ZBTB24: variants seen among roughly 807,000 people sequenced by gnomAD.
ZBTB24 encodes the protein zinc finger and BTB domain-containing protein 24.
In ZBTB24, 32 loss-of-function variants were observed where a neutral mutation model predicts 53.8. The ratio of observed to expected loss-of-function variants is 0.60; its 90% CI spans 0.45 to 0.80. The LOEUF is 0.80. ZBTB24 is among the 30% of genes least tolerant of loss of function. The pLI is 0.00. For missense variants in ZBTB24, 722 were observed against 837.1 expected, an observed-to-expected ratio of 0.86 and a Z score of 1.70; for synonymous variants, 297 against 306.7, an observed-to-expected ratio of 0.97 and a Z score of 0.33.
intron 2 of ZBTB24, chr6:109,480,821 G>GT: frequency 1.8e-6 from 1 of 570,280 alleles, no homozygotes; most frequent in Non-Finnish European, 2.2e-6. Flanking sequence ...CTAGAACTTG[G>GT]TTGCTTCATC....
rs767224809 is a variant in ZBTB24 at position 109,475,469 on chromosome 6, C to T, written c.1218G>A (p.Pro406=). 5.6e-6 allele frequency: 9 copies of T among 1,614,018 alleles called. No homozygotes were observed. The highest frequency in any genetic ancestry group is 5.3e-5 in the African/African-American group (4 of 74,898). ...ATTTGCGATGGCAGTCTTTGCATTC[C>T]GGTAATGAGTGGCCTTGTCGCAACA... ...HYRVHTGHSL[P]ECKDCHRKFM... The change falls in exon 5 of 7, where the codon CCG becomes CCA. Residue 406 remains proline, a synonymous_variant. Coordinates refer to ENST00000230122, the MANE Select transcript of ZBTB24 (RefSeq NM_014797.3).
chr6:109,467,771 CA>C (rs746831459), intron 5 of ZBTB24, 37 bp from the exon 6 acceptor site: 3 of 1,603,536 alleles, frequency 1.9e-6, no homozygotes, highest in Non-Finnish European at 1.7e-6. Flanking sequence ...AAACCCAAAA[CA>C]AAAAAACATT....
At chr6:109,470,300 A>G (rs542561491) in intron 5 of ZBTB24, among the ~76,000 whole-genome samples, 26 of 152,052 alleles carry the variant, frequency 1.7e-4, no homozygotes, top group African/African-American at 6.1e-4. Context: ...CCCTCTTCTC[A>G]GCAGTTACTA....
chr6:109,463,286 C>T lies in ZBTB24; in HGVS notation c.*2565G>A, dbSNP rs1326114524. On this transcript the variant is annotated 3_prime_UTR_variant, in exon 7 of 7. Coordinates refer to ENST00000230122, the MANE Select transcript of ZBTB24 (RefSeq NM_014797.3). ...AGGCATGAGCCTCCACGCCCGGCGT[C>T]ATTGAACTTTTTTATTCAAAGGGGT... is the stretch of plus-strand genomic sequence containing the variant. 4 of 152,178 alleles carry T rather than the reference C, an allele frequency of 2.6e-5. No homozygotes were observed. The highest frequency in any genetic ancestry group is 9.7e-5 in the African/African-American group (4 of 41,438). 9.4% of individuals were successfully genotyped at this position (152,178 alleles called of 1,614,324 possible).
At position 109,481,882 on chromosome 6, in the gene ZBTB24, G is replaced by A. The variant is rs1231500706; in HGVS notation, c.145C>T (p.Arg49Trp). 1.9e-6 allele frequency: 3 copies of A among 1,614,106 alleles called. No individual in the cohort carries two copies. The highest frequency in any genetic ancestry group is 1.7e-6 in the Non-Finnish European group (2 of 1,180,024). Reference protein sequence around the residue: ...ITLIVENVHFRAHKALLAASS... With the variant: ...ITLIVENVHFWAHKALLAASS... ...GCAGCAAGTAAGGCTTTGTGGGCCC[G>A]GAAATGTACATTCTCCACGATTAAA... The change falls in exon 2 of 7, where the codon CGG (arginine) becomes TGG (tryptophan). Residue 49 changes from arginine (R) to tryptophan (W), a missense_variant. By Grantham distance (101) the Arg-to-Trp change is moderately radical. Transcript: ENST00000230122.
chr6:109,475,276 C>T, intron 5 of ZBTB24, 123 bp downstream of exon 5: 2 of 1,167,124 alleles, frequency 1.7e-6, no homozygotes, highest in African/African-American at 1.5e-5. Context: ...TCTTACACAA[C>T]TCCCATCCAA....
intron 5 of ZBTB24, among the ~76,000 whole-genome samples, chr6:109,468,406 T>C (rs1776096655): frequency 6.6e-6 from 1 of 152,012 alleles, no homozygotes. Flanking sequence ...ATCATAGATC[T>C]GTACCCCATA....
intron 5 of ZBTB24, among the ~76,000 whole-genome samples, chr6:109,470,054 G>A (rs891488007): frequency 6.6e-6 from 1 of 152,174 alleles, no homozygotes; most frequent in African/African-American, 2.4e-5. Context: ...CTAGAGGCAG[G>A]AGGACCTCTA....
intron 2 of ZBTB24, among the ~76,000 whole-genome samples, chr6:109,480,049 G>A (rs1776368254): frequency 6.6e-6 from 1 of 151,816 alleles, no homozygotes; most frequent in African/African-American, 2.4e-5. Context: ...AAGTCTTTAG[G>A]GAGCTTTTAA....
In ZBTB24 at chr6:109,465,594, C is replaced by A; in HGVS notation, c.*257G>T. 2 of 1,490,022 alleles carry A rather than the reference C, an allele frequency of 1.3e-6. No homozygotes were observed. The highest frequency in any genetic ancestry group is 1.8e-6 in the Non-Finnish European group (2 of 1,108,690). 92.3% of individuals were successfully genotyped at this position (1,490,022 alleles called of 1,614,324 possible). A position where few individuals can be genotyped will look rare whatever the true frequency, so the allele number is the denominator to read the frequency against. ...GCCCCCAAAGAAAAACTACCCGAGTCTTTATGAGACATTGCAGATTAAAAT... is the reference window on the plus strand; with the variant it reads ...GCCCCCAAAGAAAAACTACCCGAGTATTTATGAGACATTGCAGATTAAAAT... On this transcript the variant is annotated 3_prime_UTR_variant, in exon 7 of 7. Coordinates refer to ENST00000230122, the MANE Select transcript of ZBTB24 (RefSeq NM_014797.3).
intron 5 of ZBTB24, among the ~76,000 whole-genome samples, chr6:109,474,221 T>C (rs1365114901): frequency 1.3e-5 from 2 of 152,078 alleles, no homozygotes; most frequent in Non-Finnish European, 2.9e-5. Flanking sequence ...ATTTTTAACA[T>C]ACATTCTTTG....
intron 6 of ZBTB24, among the ~76,000 whole-genome samples, chr6:109,466,779 C>A (rs1776053550): frequency 6.6e-6 from 1 of 151,856 alleles, no homozygotes. Flanking sequence ...TGGGTGGTGC[C>A]TGAGGAAGGG....
intron 6 of ZBTB24, among the ~76,000 whole-genome samples, chr6:109,467,124 G>A (rs915984222): frequency 6.6e-5 from 10 of 152,140 alleles, no homozygotes; most frequent in African/African-American, 1.2e-4. Context: ...GGACCAATCC[G>A]TAGCCCCAAT....
Position 109,474,612 on chromosome 6 carries a change from T to C in ZBTB24, c.1288+787A>G, listed in dbSNP as rs943243252. 2.0e-5 allele frequency among the ~76,000 whole-genome samples: 3 copies of C among 151,822 alleles called. No homozygotes were observed. The East Asian group carries it at 5.8e-4, about 29-fold the overall frequency. ...AGCTGGGCATGGTAGCGCACACCTATAGTCCCAGCTACTAGGGAGGCTGAG... is the reference window on the plus strand; with the variant it reads ...AGCTGGGCATGGTAGCGCACACCTACAGTCCCAGCTACTAGGGAGGCTGAG... On this transcript the variant is annotated intron_variant, in intron 5 of 6. Coordinates refer to ENST00000230122, the MANE Select transcript of ZBTB24 (RefSeq NM_014797.3).
chr6:109,473,429 G>T (rs1776210389), intron 5 of ZBTB24, among the ~76,000 whole-genome samples: 1 of 152,096 alleles, frequency 6.6e-6, no homozygotes, highest in Non-Finnish European at 1.5e-5. Flanking sequence ...ATCTTCAATG[G>T]CCGGCTGGCT....
At chr6:109,477,983 T>C (rs1776315713) in intron 2 of ZBTB24, among the ~76,000 whole-genome samples, 1 of 152,228 alleles carries the variant, frequency 6.6e-6, no homozygotes, top group Non-Finnish European at 1.5e-5. Context: ...GTGGTTAAGT[T>C]AAACATTAAA....
chr6:109,483,203 GC>G lies in ZBTB24; in HGVS notation c.-135del, dbSNP rs1313896995. On this transcript the variant is annotated 5_prime_UTR_variant, in exon 1 of 7. Transcript: ENST00000230122. ...CACCGGTTTCTGCTCCTGCGCCGCC[GC>G]CGCAGCCACAGCCACAGCCAACCCG... 1 of 152,114 alleles carries G rather than the reference GC, an allele frequency of 6.6e-6. No individual in the cohort carries two copies. Among genetic ancestry groups the G allele is most frequent in the Admixed American group, 6.6e-5 (1 of 15,242 alleles). 9.4% of individuals were successfully genotyped at this position (152,114 alleles called of 1,614,324 possible).
Position 109,481,331 on chromosome 6 carries a change from T to C in ZBTB24, c.696A>G (p.Pro232=). The change falls in exon 2 of 7, where the codon CCA becomes CCG. Residue 232 remains proline, a synonymous_variant. Transcript: ENST00000230122. ...GATCATAGTTCTCATCTTTTTCAAC[T>C]GGCATTTCCTCCTCTCTACTTGGCT... ...TCEPSREEEM[P]VEKDENYDPK... is the part of the protein sequence containing the mutation. 2.5e-6 allele frequency: 4 copies of C among 1,614,228 alleles called. No homozygotes were observed. The highest frequency in any genetic ancestry group is 3.4e-6 in the Non-Finnish European group (4 of 1,180,048).
At chr6:109,468,268 T>C (rs907597735) in intron 5 of ZBTB24, among the ~76,000 whole-genome samples, 3 of 152,150 alleles carry the variant, frequency 2.0e-5, no homozygotes, top group African/African-American at 4.8e-5. Flanking sequence ...CTTGCTTCCC[T>C]GCCATAAACT....
Sources: allele counts gnomAD v4.1 joint callset (sites outside exome capture counted in the v4.1 genomes callset), GRCh38; gene constraint gnomAD v4.1.1; transcripts MANE v1.5; gene names NCBI Gene and HGNC (gene_info 2026-07-23, HGNC 2026-07-21).